COQ9: variants seen among roughly 807,000 people sequenced by gnomAD.
The protein encoded by COQ9 is coenzyme Q9.
COQ9 carries 35 observed loss-of-function variants against 42.4 expected under a neutral mutation model. That is an observed-to-expected ratio of 0.83 (90% confidence interval 0.63 to 1.10). COQ9 has a LOEUF of 1.10. COQ9 is among the 50% of genes least tolerant of loss of function. The pLI, the probability that COQ9 is intolerant of heterozygous loss-of-function variation, is 0.00. For missense variants in COQ9, 406 were observed against 414.6 expected (o/e 0.98, Z 0.18); for synonymous variants, 155 against 155.1 (o/e 1.00, Z 0.00).
At position 57,456,281 on chromosome 16, in the gene COQ9, C is replaced by T. The variant is rs1598038642; in HGVS notation, c.379-223C>T. 3 of 567,194 alleles carry T rather than the reference C, an allele frequency of 5.3e-6. No homozygotes were observed. In the African/African-American group the frequency reaches 5.6e-5, roughly 11 times the overall value. 35.1% of individuals were successfully genotyped at this position (567,194 alleles called of 1,614,324 possible). On this transcript the variant is annotated intron_variant, in intron 3 of 8. Transcript: ENST00000262507. Reference sequence around the variant, plus strand: ...TTGATATGTTCATCCCTGAGCTAGTCTCTGTGAACTTGTTATTCAAGCCTA... The same window carrying T: ...TTGATATGTTCATCCCTGAGCTAGTTTCTGTGAACTTGTTATTCAAGCCTA...
At position 57,459,709 on chromosome 16, in the gene COQ9, A is replaced by G. The variant is rs752778477; in HGVS notation, c.856A>G (p.Thr286Ala). The change falls in exon 7 of 9, where the codon ACT (threonine) becomes GCT (alanine). Residue 286 changes from threonine (T) to alanine (A), a missense_variant. Coordinates refer to ENST00000262507, the MANE Select transcript of COQ9 (RefSeq NM_020312.4). ...TAATGATGCAATGAACATGGGCCAC[A>G]CTGCCAAGCAGGTAGGTGGGGACTA... ...RVNDAMNMGHTAKQVKSTGEA... is the reference protein window; with the variant it reads ...RVNDAMNMGHAAKQVKSTGEA... 1 of 1,614,124 alleles carries G rather than the reference A, an allele frequency of 6.2e-7. No homozygotes were observed. The highest frequency in any genetic ancestry group is 8.5e-7 in the Non-Finnish European group (1 of 1,179,984).
Position 57,452,740 on chromosome 16 carries a change from G to C in COQ9, c.243-61G>C, listed in dbSNP as rs201605396. 3.6e-4 allele frequency: 575 copies of C among 1,597,506 alleles called. 4 individuals carry two copies. Among genetic ancestry groups the C allele is most frequent in the Middle Eastern group, 2.2e-4 (1 of 4,504 alleles). The stretch of plus-strand genomic sequence containing the variant: ...AGGAGATCCAGAGCCCCTAGTTTCT[G>C]GTCATGCCCATTGTACATGCCAGGA... On this transcript the variant is annotated intron_variant, in intron 2 of 8. Transcript: ENST00000262507.
intron 2 of COQ9, 50 bp downstream of exon 2, chr16:57,451,258 C>T (rs1165682698): frequency 6.4e-7 from 1 of 1,556,554 alleles, no homozygotes; most frequent in African/African-American, 1.4e-5. Context: ...TTCATTATGT[C>T]TGTTCCTCCT....
intron 3 of COQ9, among the ~76,000 whole-genome samples, chr16:57,454,571 T>C (rs1424473957): frequency 5.9e-5 from 9 of 152,018 alleles, no homozygotes; most frequent in African/African-American, 2.2e-4. Context: ...GGTGGGAGGA[T>C]CTCTTGAGCC....
At chr16:57,449,008 A>G (rs191719230) in intron 1 of COQ9, among the ~76,000 whole-genome samples, 19 of 152,346 alleles carry the variant, frequency 1.2e-4, no homozygotes, top group Admixed American at 1.0e-3. Flanking sequence ...AACTATTGCA[A>G]TAGGGAAAAG....
At chr16:57,449,694 C>T (rs2146584819) in intron 1 of COQ9, among the ~76,000 whole-genome samples, 1 of 152,208 alleles carries the variant, frequency 6.6e-6, no homozygotes, top group East Asian at 1.9e-4. Flanking sequence ...TTTACTGAAA[C>T]ATGTACATAT....
At position 57,452,867 on chromosome 16, in the gene COQ9, C is replaced by G. The variant is rs2030319196; in HGVS notation, c.309C>G (p.Ile103Met). Residue 103 changes from isoleucine to methionine, a missense_variant, in exon 3 of 9, where the codon ATC becomes ATG. Physicochemically the swap from Ile to Met is conservative, Grantham distance 10 (BLOSUM62 1). Coordinates refer to ENST00000262507, the MANE Select transcript of COQ9 (RefSeq NM_020312.4). The stretch of plus-strand genomic sequence containing the variant: ...GTGAGGAGCAGTTGCAGCACCGCAT[C>G]CTGACGGCAGCCCTTGAGTTTGTGC... ...YESEEQLQHR[I>M]LTAALEFVPA... 1 of 1,613,728 alleles carries G rather than the reference C, an allele frequency of 6.2e-7. No individual in the cohort carries two copies. Among genetic ancestry groups the G allele is most frequent in the African/African-American group, 1.3e-5 (1 of 74,898 alleles).
intron 1 of COQ9, 30 bp from the exon 2 acceptor site, chr16:57,451,010 A>C: frequency 6.2e-7 from 1 of 1,612,724 alleles, no homozygotes; most frequent in Non-Finnish European, 8.5e-7. Context: ...TCTCTGTTGA[A>C]TGTCCCTGAC....
intron 3 of COQ9, among the ~76,000 whole-genome samples, chr16:57,454,874 G>A (rs2030367291): frequency 6.6e-6 from 1 of 152,158 alleles, no homozygotes; most frequent in Non-Finnish European, 1.5e-5. Context: ...TTTGAGATGA[G>A]CAAGGCTGGA....
chr16:57,461,160 T>C lies in COQ9; in HGVS notation c.*536T>C. ...AACTGCCTCACCTGAGACAAGTGCCTGCTGGACAGAGGTGTGATTCCAGGC... is the reference window on the plus strand; with the variant it reads ...AACTGCCTCACCTGAGACAAGTGCCCGCTGGACAGAGGTGTGATTCCAGGC... On this transcript the variant is annotated 3_prime_UTR_variant, in exon 9 of 9. Transcript: ENST00000262507. 1 of 455,894 alleles carries C rather than the reference T, an allele frequency of 2.2e-6. No individual in the cohort carries two copies. Among genetic ancestry groups the C allele is most frequent in the Admixed American group, 2.3e-5 (1 of 42,574 alleles). 28.2% of individuals were successfully genotyped at this position (455,894 alleles called of 1,614,324 possible). A position where few individuals can be genotyped will look rare whatever the true frequency, so the allele number is the denominator to read the frequency against.
chr16:57,447,600 G>C, intron 1 of COQ9, 22 bp downstream of exon 1: 1 of 1,247,120 alleles, frequency 8.0e-7, no homozygotes, highest in Non-Finnish European at 1.0e-6. Context: ...GCCAAGCCGG[G>C]GAGAGGCGGG....
At chr16:57,447,648 T>G in intron 1 of COQ9, 70 bp downstream of exon 1, 1 of 1,195,400 alleles carries the variant, frequency 8.4e-7, no homozygotes, top group East Asian at 3.2e-5. Flanking sequence ...TCAGCTGGGT[T>G]CGACGGTGGG....
In COQ9 at chr16:57,458,334, G is replaced by A. The variant is rs1392927152; in HGVS notation, c.695G>A (p.Gly232Glu). The stretch of plus-strand genomic sequence containing the variant: ...GTGGATGACATGTGGCATTACGCTG[G>A]GGACCAGTCCACTGATGTGAGTGCT... ...SMVDDMWHYA[G>E]DQSTDFNWYT... The change falls in exon 6 of 9, where the codon GGG (glycine) becomes GAG (glutamate). Residue 232 changes from glycine (G) to glutamate (E), a missense_variant. Gly to Glu is a moderately conservative substitution (Grantham distance 98). Coordinates refer to ENST00000262507, the MANE Select transcript of COQ9 (RefSeq NM_020312.4). 1 of 1,611,916 alleles carries A rather than the reference G, an allele frequency of 6.2e-7. No individual in the cohort carries two copies.
At chr16:57,450,870 G>T in intron 1 of COQ9, 170 bp from the exon 2 acceptor site, 1 of 747,246 alleles carries the variant, frequency 1.3e-6, no homozygotes. Context: ...ACCACTTCGT[G>T]TCCCAAAGTT....
chr16:57,448,002 T>C (rs2030171836), intron 1 of COQ9, among the ~76,000 whole-genome samples: 2 of 152,228 alleles, frequency 1.3e-5, no homozygotes, highest in Non-Finnish European at 1.5e-5. Context: ...CTTCACGAAT[T>C]CTGTGATACT....
intron 1 of COQ9, among the ~76,000 whole-genome samples, chr16:57,449,350 GT>G (rs756594042): frequency 2.6e-5 from 4 of 152,204 alleles, no homozygotes; most frequent in Non-Finnish European, 4.4e-5. Flanking sequence ...GCTTATGTTA[GT>G]GTGTGTTCAA....
intron 4 of COQ9, 69 bp downstream of exon 4, chr16:57,456,715 G>A: frequency 6.4e-7 from 1 of 1,556,372 alleles, no homozygotes; most frequent in Non-Finnish European, 8.8e-7. Context: ...TACCAGCTAT[G>A]CCCAGGAGGC....
At chr16:57,460,490 GAAA>G in intron 8 of COQ9, 96 bp from the exon 9 acceptor site, 1 of 987,318 alleles carries the variant, frequency 1.0e-6, no homozygotes, top group Non-Finnish European at 1.4e-6. Context: ...ATGCAAAAAA[GAAA>G]AAAAAAAAGA....
In COQ9 at chr16:57,459,972, GCCT is replaced by G. The variant is rs540915503; in HGVS notation, c.868-75_868-73del. 2.4e-4 allele frequency: 331 copies of G among 1,384,496 alleles called. 6 individuals are homozygous for G. In the South Asian group the frequency reaches 3.5e-3, roughly 15 times the overall value. The allele number at this position is 1,384,496 out of a possible 1,614,324, so 85.8% of individuals were successfully genotyped here. On this transcript the variant is annotated intron_variant, in intron 7 of 8. Transcript: ENST00000262507. ...TGTCTTCACCTTTTGGGGCTCATAG[GCCT>G]CCTGATTTGTCCTGCCTGTCTCAAG...
Sources: allele counts gnomAD v4.1 joint callset (sites outside exome capture counted in the v4.1 genomes callset), GRCh38; gene constraint gnomAD v4.1.1; transcripts MANE v1.5; gene names NCBI Gene and HGNC (gene_info 2026-07-23, HGNC 2026-07-21).